Variants in ZFAT observed in about 807,000 individuals in gnomAD.
ZFAT encodes zinc finger and AT-hook domain containing.
ZFAT carries 64 observed loss-of-function variants against 117.7 expected under a neutral mutation model. That is an observed-to-expected ratio of 0.54 (90% CI 0.44 to 0.67). The LOEUF (loss-of-function observed/expected upper bound fraction) is 0.67. ZFAT is among the 30% of genes least tolerant of loss of function. ZFAT has a pLI of 0.00. For missense variants in ZFAT, 1,433 were observed against 1,584.5 expected, an observed-to-expected ratio of 0.90 and a Z score of 1.62; for synonymous variants, 679 against 615.0, an observed-to-expected ratio of 1.10 and a Z score of -1.54.
intron 15 of ZFAT, among the ~76,000 whole-genome samples, chr8:134,502,725 G>A (rs1456887109): frequency 1.3e-5 from 2 of 152,324 alleles, no homozygotes; most frequent in South Asian, 2.1e-4. Context: ...TGTTTGTTTC[G>A]TTTTGATCAG....
chr8:134,536,287 T>C (rs1821833911), intron 11 of ZFAT, among the ~76,000 whole-genome samples: 1 of 152,214 alleles, frequency 6.6e-6, no homozygotes. Context: ...TTCTGTAGCC[T>C]CTCTAGCAGT....
chr8:134,594,409 G>C (rs1003051530), intron 7 of ZFAT, among the ~76,000 whole-genome samples: 4 of 152,124 alleles, frequency 2.6e-5, no homozygotes, highest in African/African-American at 9.7e-5. Flanking sequence ...TCAGTGCTTT[G>C]TTGGCAATAT....
At chr8:134,817,024 A>AATAT in the ZFAT span, among the ~76,000 whole-genome samples, 1 of 152,256 alleles carries the variant, frequency 6.6e-6, no homozygotes, top group Middle Eastern at 3.4e-3. Flanking sequence ...AGTATTTTAA[A>AATAT]ATATGAAATA....
the ZFAT span, among the ~76,000 whole-genome samples, chr8:134,788,217 T>C: frequency 6.6e-6 from 1 of 152,186 alleles, no homozygotes; most frequent in Non-Finnish European, 1.5e-5. Context: ...TGAAAATAGT[T>C]TAGGTAATTG....
chr8:134,699,997 TC>T (rs1400095098), intron 1 of ZFAT, among the ~76,000 whole-genome samples: 1 of 152,160 alleles, frequency 6.6e-6, no homozygotes, highest in Non-Finnish European at 1.5e-5. Context: ...GCAGTGATAC[TC>T]CCCGACAGAC....
chr8:134,694,984 C>T (rs184442149), intron 1 of ZFAT, among the ~76,000 whole-genome samples: 4 of 152,114 alleles, frequency 2.6e-5, no homozygotes, highest in African/African-American at 7.2e-5. Flanking sequence ...AAAAAAAACA[C>T]GAAAATGAAG....
chr8:134,587,494 G>A (rs1045967582), intron 9 of ZFAT, among the ~76,000 whole-genome samples: 16 of 151,960 alleles, frequency 1.1e-4, no homozygotes, highest in Non-Finnish European at 1.5e-5. Context: ...CTCTACTCTT[G>A]TTTTCCTATC....
chr8:134,622,815 T>TC lies in ZFAT; in HGVS notation c.449-12161dup, dbSNP rs1667006688. 2.0e-5 allele frequency among the ~76,000 whole-genome samples: 3 copies of TC among 152,204 alleles called. No homozygotes were observed. In the South Asian group the frequency reaches 6.2e-4, roughly 32 times the overall value. On this transcript the variant is annotated intron_variant, in intron 3 of 15. Transcript: ENST00000377838. The stretch of plus-strand genomic sequence containing the variant: ...TCCAGGCTCCCTCCCTGCCAGGTTA[T>TC]CACAGGCTGACCTCATCCTCTACCA...
At chr8:134,674,359 T>C (rs1832693975) in intron 1 of ZFAT, among the ~76,000 whole-genome samples, 1 of 152,176 alleles carries the variant, frequency 6.6e-6, no homozygotes, top group Non-Finnish European at 1.5e-5. Context: ...CTCGAAATTC[T>C]CACTGCTAGC....
intron 13 of ZFAT, among the ~76,000 whole-genome samples, chr8:134,518,140 G>T (rs1264594316): frequency 6.6e-6 from 1 of 152,056 alleles, no homozygotes; most frequent in Non-Finnish European, 1.5e-5. Context: ...TATTCTAATA[G>T]TAACTTTCTA....
chr8:134,680,697 A>C (rs544307790), intron 1 of ZFAT, among the ~76,000 whole-genome samples: 1 of 152,322 alleles, frequency 6.6e-6, no homozygotes, highest in African/African-American at 2.4e-5. Flanking sequence ...TAGTTACATA[A>C]GATGTAACTA....
chr8:134,480,810 ACT>A (rs1421892238), intron 15 of ZFAT, among the ~76,000 whole-genome samples: 2 of 151,818 alleles, frequency 1.3e-5, no homozygotes, highest in East Asian at 3.9e-4. Flanking sequence ...CTGACTCTGC[ACT>A]CTCTCTGGGG....
At chr8:134,653,013 G>A (rs560710843) in intron 2 of ZFAT, among the ~76,000 whole-genome samples, 1 of 151,686 alleles carries the variant, frequency 6.6e-6, no homozygotes, top group Non-Finnish European at 1.5e-5. Flanking sequence ...GAAAACATAT[G>A]TCATCAAAAA....
the ZFAT span, among the ~76,000 whole-genome samples, chr8:134,805,809 C>A: frequency 6.6e-6 from 1 of 152,070 alleles, no homozygotes; most frequent in Admixed American, 6.5e-5. Context: ...TGGCAAAACC[C>A]TACCTCTAAA....
At position 134,655,366 on chromosome 8, in the gene ZFAT, G is replaced by A. The variant is rs926484248; in HGVS notation, c.196+2195C>T. On this transcript the variant is annotated intron_variant, in intron 2 of 15. Coordinates refer to ENST00000377838, the MANE Select transcript of ZFAT (RefSeq NM_020863.4). ...TTTCCTATTTATAAAAGAAATGAAA[G>A]GCGGGGTACGGTGGCTCACACCTGT... 4.6e-5 allele frequency among the ~76,000 whole-genome samples: 7 copies of A among 152,332 alleles called. No individual in the cohort carries two copies. In the South Asian group the frequency reaches 1.0e-3, roughly 23 times the overall value.
intron 15 of ZFAT, among the ~76,000 whole-genome samples, chr8:134,484,804 T>C (rs1817554860): frequency 6.6e-6 from 1 of 152,170 alleles, no homozygotes; most frequent in Admixed American, 6.5e-5. Flanking sequence ...GTAGTGATTA[T>C]TATTATTTTG....
At chr8:134,726,714 A>G in the ZFAT span, among the ~76,000 whole-genome samples, 87 of 151,730 alleles carry the variant, frequency 5.7e-4, no homozygotes, top group East Asian at 0.012. Flanking sequence ...CAGTCCTCCC[A>G]CCTCAGCCTC....
intron 1 of ZFAT, among the ~76,000 whole-genome samples, chr8:134,697,545 G>C (rs1366056735): frequency 6.7e-6 from 1 of 150,202 alleles, no homozygotes; most frequent in African/African-American, 2.4e-5. Flanking sequence ...GGCTAACACG[G>C]CGAAACCCCG....
Position 134,621,335 on chromosome 8 carries a change from A to G in ZFAT, c.449-10680T>C, listed in dbSNP as rs954419579. Among the ~76,000 whole-genome samples the G allele has an allele frequency of 2.6e-5, 4 of 152,166 alleles. 1 individual carries two copies. The highest frequency in any genetic ancestry group is 1.3e-4 in the Admixed American group (2 of 15,274). On this transcript the variant is annotated intron_variant, in intron 3 of 15. Transcript: ENST00000377838. ...AGTCAATATCACAGAAGGGAGATCA[A>G]CTATACTATTAATACTATTATAATA...
Sources: allele counts gnomAD v4.1 joint callset (sites outside exome capture counted in the v4.1 genomes callset), GRCh38; gene constraint gnomAD v4.1.1; transcripts MANE v1.5; gene names NCBI Gene and HGNC (gene_info 2026-07-23, HGNC 2026-07-21).